The following PPARD variants were observed in gnomAD, a reference collection of about 807,000 sequenced individuals.
The protein encoded by PPARD is peroxisome proliferator activated receptor delta.
PPARD carries 6 observed loss-of-function variants against 39.5 expected under a neutral mutation model. The ratio of observed to expected loss-of-function variants is 0.15; its 90% CI spans 0.08 to 0.30. PPARD has a LOEUF of 0.30. Ranked by LOEUF, PPARD falls within the 10% of genes least tolerant of loss-of-function variation. The pLI is 1.00. For synonymous variants in PPARD, 210 were observed against 231.3 expected (o/e 0.91, Z 0.83); for missense variants, 397 against 596.8 (o/e 0.67, Z 3.49).
chr6:35,426,023 GA>G lies in PPARD; in HGVS notation c.1273del (p.Thr425ProfsTer47). On this transcript the variant is annotated frameshift_variant, in exon 8 of 8. Coordinates refer to ENST00000360694, the MANE Select transcript of PPARD (RefSeq NM_006238.5). LOFTEE classifies it high-confidence loss of function. ...GATGATGCAGCGGATCAAGAAGACC[GA>G]AACCGAGACCTCGCTGCACCCTCTG... ...AQMMQRIKKT[E>X]TETSLHPLLQ... is the part of the protein sequence containing the mutation. 6.2e-7 allele frequency: 1 copy of G among 1,613,956 alleles called. No individual in the cohort carries two copies.
intron 2 of PPARD, among the ~76,000 whole-genome samples, chr6:35,381,971 T>C (rs1256249609): frequency 6.6e-6 from 1 of 152,144 alleles, no homozygotes; most frequent in Non-Finnish European, 1.5e-5. Flanking sequence ...ATGAAGTGGG[T>C]ATCTTACATA....
intron 1 of PPARD, among the ~76,000 whole-genome samples, chr6:35,345,980 C>G (rs1326338772): frequency 1.3e-5 from 2 of 151,666 alleles, no homozygotes. Context: ...AGGTTCACGC[C>G]ATTCTTCTGC....
At chr6:35,404,400 A>G (rs569916277) in intron 2 of PPARD, among the ~76,000 whole-genome samples, 27 of 152,164 alleles carry the variant, frequency 1.8e-4, no homozygotes, top group Non-Finnish European at 3.4e-4. Context: ...TACTATTGTG[A>G]TGGAGGTGGT....
intron 2 of PPARD, among the ~76,000 whole-genome samples, chr6:35,397,107 T>A (rs1230690281): frequency 6.6e-6 from 1 of 151,994 alleles, no homozygotes; most frequent in Non-Finnish European, 1.5e-5. Flanking sequence ...TAGGTGCAGG[T>A]ACTGACTGGT....
chr6:35,373,539 G>A (rs575068658), intron 2 of PPARD, among the ~76,000 whole-genome samples: 2 of 152,264 alleles, frequency 1.3e-5, no homozygotes, highest in South Asian at 4.1e-4. Flanking sequence ...CCCCTAAACT[G>A]CACAGAGGAG....
At chr6:35,359,192 G>GACCA (rs1582294012) in intron 2 of PPARD, among the ~76,000 whole-genome samples, 2 of 152,204 alleles carry the variant, frequency 1.3e-5, no homozygotes, top group East Asian at 3.9e-4. Flanking sequence ...GAGGAGACCA[G>GACCA]GAGATGAAGT....
intron 2 of PPARD, among the ~76,000 whole-genome samples, chr6:35,352,558 C>T (rs1323902844): frequency 6.6e-6 from 1 of 152,112 alleles, no homozygotes; most frequent in African/African-American, 2.4e-5. Flanking sequence ...TCATCTAGGA[C>T]ATTCTTAAAT....
chr6:35,349,692 T>A (rs1761121082), intron 2 of PPARD, among the ~76,000 whole-genome samples: 1 of 151,962 alleles, frequency 6.6e-6, no homozygotes, highest in Non-Finnish European at 1.5e-5. Flanking sequence ...TTTTTGTTTT[T>A]TTTTAATTTA....
intron 2 of PPARD, among the ~76,000 whole-genome samples, chr6:35,351,358 G>A (rs894450743): frequency 9.9e-5 from 15 of 152,136 alleles, no homozygotes; most frequent in Non-Finnish European, 2.1e-4. Flanking sequence ...AAGACCCCAA[G>A]GGCTTATGTT....
chr6:35,405,549 A>G (rs1222859096), intron 2 of PPARD, among the ~76,000 whole-genome samples: 1 of 151,336 alleles, frequency 6.6e-6, no homozygotes, highest in Admixed American at 6.6e-5. Context: ...GAGATAGCCA[A>G]CACTGGGAGC....
At chr6:35,390,899 G>A (rs763649155) in intron 2 of PPARD, among the ~76,000 whole-genome samples, 1 of 152,144 alleles carries the variant, frequency 6.6e-6, no homozygotes, top group East Asian at 1.9e-4. Flanking sequence ...GCATGTGCCT[G>A]TAGTCCCAGT....
intron 2 of PPARD, among the ~76,000 whole-genome samples, chr6:35,398,740 A>C (rs898837248): frequency 5.3e-5 from 8 of 152,222 alleles, no homozygotes; most frequent in African/African-American, 1.9e-4. Context: ...AGGAGGAGGG[A>C]TCGAGCAGTC....
At chr6:35,345,471 G>A (rs762225851) in intron 1 of PPARD, among the ~76,000 whole-genome samples, 2 of 152,034 alleles carry the variant, frequency 1.3e-5, no homozygotes, top group East Asian at 3.9e-4. Context: ...CAATTTTTTT[G>A]TAAAGACAGG....
intron 2 of PPARD, among the ~76,000 whole-genome samples, chr6:35,362,737 G>A (rs765876723): frequency 6.6e-6 from 1 of 152,140 alleles, no homozygotes; most frequent in Admixed American, 6.5e-5. Flanking sequence ...GAAACAGCAA[G>A]CAAGCTGGCC....
At chr6:35,343,571 G>A (rs1465744250) in intron 1 of PPARD, among the ~76,000 whole-genome samples, 1 of 152,216 alleles carries the variant, frequency 6.6e-6, no homozygotes, top group Non-Finnish European at 1.5e-5. Flanking sequence ...CGAATTAAGA[G>A]GCTGATTGAC....
At chr6:35,374,514 C>T (rs1647194892) in intron 2 of PPARD, among the ~76,000 whole-genome samples, 1 of 151,602 alleles carries the variant, frequency 6.6e-6, no homozygotes, top group African/African-American at 2.4e-5. Flanking sequence ...AAAAATTAGC[C>T]GGGCATGGTG....
intron 2 of PPARD, among the ~76,000 whole-genome samples, chr6:35,351,466 G>A (rs755645068): frequency 5.3e-5 from 8 of 152,094 alleles, no homozygotes; most frequent in African/African-American, 1.2e-4. Flanking sequence ...GGAAGCTGTC[G>A]GGCTCACAGT....
intron 5 of PPARD, among the ~76,000 whole-genome samples, chr6:35,422,545 C>T (rs918138210): frequency 2.0e-5 from 3 of 152,200 alleles, no homozygotes; most frequent in Non-Finnish European, 4.4e-5. Flanking sequence ...CCTGTCCCCT[C>T]AGTACCTCTC....
intron 1 of PPARD, 25 bp downstream of exon 1, chr6:35,342,706 T>G (rs906465911): frequency 1.3e-5 from 2 of 152,292 alleles, no homozygotes; most frequent in African/African-American, 2.4e-5. Context: ...AGAGAAGCGG[T>G]CAGGCAAGTG....
Sources: allele counts gnomAD v4.1 joint callset (sites outside exome capture counted in the v4.1 genomes callset), GRCh38; gene constraint gnomAD v4.1.1; transcripts MANE v1.5; gene names NCBI Gene and HGNC (gene_info 2026-07-23, HGNC 2026-07-21).